Variants in DNAH5 observed in about 807,000 individuals in gnomAD.
DNAH5 encodes the protein axonemal beta dynein heavy chain 5.
DNAH5 carries 372 observed loss-of-function variants against 518.2 expected under a neutral mutation model. The ratio of observed to expected loss-of-function variants is 0.72; its 90% CI spans 0.66 to 0.78. DNAH5 has a LOEUF of 0.78. Among genes scored for constraint, DNAH5 ranks in the 30% least tolerant of loss-of-function variants. The probability of loss-of-function intolerance (pLI) is 0.00; values close to 1 mark genes in which losing one functional copy is unlikely to be tolerated. For missense variants in DNAH5, 5,523 were observed against 5,687.0 expected, an observed-to-expected ratio of 0.97 and a Z score of 0.93; for synonymous variants, 2,039 against 2,025.9, an observed-to-expected ratio of 1.01 and a Z score of -0.17.
At position 13,901,384 on chromosome 5, in the gene DNAH5, G is replaced by A. The variant is rs1239153111; in HGVS notation, c.1920C>T (p.Pro640=). 6.2e-7 allele frequency: 1 copy of A among 1,614,138 alleles called. No individual in the cohort carries two copies. The highest frequency in any genetic ancestry group is 8.5e-7 in the Non-Finnish European group (1 of 1,180,010). ...CTGGGTGCTGCTGGAAAAGCTGCAT[G>A]GGCTGCTGAATCCTATGGAAGAGCT... is the stretch of plus-strand genomic sequence containing the variant. ...ARQLFHRIQQ[P]MQLFQQHPAV... is the part of the protein sequence containing the mutation. Residue 640 remains proline (P), a synonymous_variant, in exon 14 of 79, where the codon CCC becomes CCT. Coordinates refer to ENST00000265104, the MANE Select transcript of DNAH5 (RefSeq NM_001369.3).
chr5:13,914,626 A>G lies in DNAH5; in HGVS notation c.1214T>C (p.Ile405Thr). ...GGTAATATAGGCTTTACATGCAGAT[A>G]TAATCTGATTTGTCACCTGGGATTT... ...SLFVKVTNQI[I>T]SACKAYITNN... is the part of the protein sequence containing the mutation. Residue 405 changes from isoleucine to threonine, a missense_variant, in exon 10 of 79, where the codon ATA becomes ACA. This residue lies in a region of DNAH5 where 5,121 missense variants were observed against 5,223.3 expected (regional missense o/e 0.98). Transcript: ENST00000265104. The G allele has an allele frequency of 1.2e-6, 2 of 1,613,110 alleles. No individual in the cohort carries two copies. Among genetic ancestry groups the G allele is most frequent in the Non-Finnish European group, 1.7e-6 (2 of 1,179,186 alleles).
chr5:13,703,952 G>T (rs1168630385), intron 76 of DNAH5, among the ~76,000 whole-genome samples: 1 of 152,118 alleles, frequency 6.6e-6, no homozygotes, highest in Admixed American at 6.6e-5. Context: ...TAGACCTGGG[G>T]TGCCTTGTCC....
intron 78 of DNAH5, among the ~76,000 whole-genome samples, chr5:13,693,639 G>T (rs75009495): frequency 0.024 from 3,611 of 152,268 alleles, 105 homozygotes; most frequent in African/African-American, 0.073. Context: ...GACATCTTCA[G>T]GAATAGAGGT....
Position 13,916,421 on chromosome 5 carries a change from T to C in DNAH5, c.1124A>G (p.Asn375Ser). 1 of 1,556,672 alleles carries C rather than the reference T, an allele frequency of 6.4e-7. No individual in the cohort carries two copies. The highest frequency in any genetic ancestry group is 8.8e-7 in the Non-Finnish European group (1 of 1,130,140). ...SMMDAIPTLI[N>S]AIKMIYSISH... is the part of the protein sequence containing the mutation. ...GATACTATAGATCATTTTAATTGCA[T>C]TTATAAGTGTAGGAATAGCATCCAT... The change falls in exon 9 of 79, where the codon AAT (asparagine) becomes AGT (serine). Residue 375 changes from asparagine (N) to serine (S), a missense_variant. Around this residue, in one of 3 missense-constraint regions of DNAH5, gnomAD observed 5,121 missense variants for 5,223.3 expected, o/e 0.98. Coordinates refer to ENST00000265104, the MANE Select transcript of DNAH5 (RefSeq NM_001369.3).
rs543513821 is a variant in DNAH5 at position 13,781,432 on chromosome 5, C to A, written c.8821-473G>T. 4.7e-4 allele frequency among the ~76,000 whole-genome samples: 72 copies of A among 152,126 alleles called. No individual in the cohort carries two copies. The South Asian group carries it at 4.8e-3, about 10-fold the overall frequency. On this transcript the variant is annotated intron_variant, in intron 52 of 78. Transcript: ENST00000265104. ...AAATTTAAATTGAAGGGAAGAAAAA[C>A]CCCCAAAATGAGGTGATATGGTTTG...
intron 73 of DNAH5, 95 bp from the exon 74 acceptor site, chr5:13,716,785 T>C (rs1344403287): frequency 2.4e-6 from 2 of 839,068 alleles, no homozygotes; most frequent in Non-Finnish European, 4.0e-6. Flanking sequence ...TTCAACATCA[T>C]TCAGTCAGTC....
At chr5:13,777,702 A>C (rs1268066219) in intron 53 of DNAH5, among the ~76,000 whole-genome samples, 4 of 152,180 alleles carry the variant, frequency 2.6e-5, no homozygotes, top group Non-Finnish European at 5.9e-5. Context: ...TTTGATTGGC[A>C]ATTGGTATTT....
chr5:13,931,368 G>T, intron 1 of DNAH5, 124 bp from the exon 2 acceptor site: 1 of 1,048,172 alleles, frequency 9.5e-7, no homozygotes, highest in Non-Finnish European at 1.4e-6. Context: ...ACAGCTTAAT[G>T]GTACCAATTT....
chr5:13,795,634 G>C (rs1262343738), intron 47 of DNAH5, among the ~76,000 whole-genome samples: 1 of 152,194 alleles, frequency 6.6e-6, no homozygotes, highest in African/African-American at 2.4e-5. Context: ...AAGAGGAGCT[G>C]TTACCATTCT....
chr5:13,794,160 G>C (rs1757469259), intron 47 of DNAH5, 102 bp from the exon 48 acceptor site: 2 of 1,484,972 alleles, frequency 1.3e-6, no homozygotes, highest in African/African-American at 1.4e-5. Context: ...GAACTGATAT[G>C]AATTATTTCT....
intron 28 of DNAH5, among the ~76,000 whole-genome samples, chr5:13,863,937 C>G (rs1734841875): frequency 6.6e-6 from 1 of 152,208 alleles, no homozygotes; most frequent in Admixed American, 6.5e-5. Flanking sequence ...TTCAGATGCT[C>G]CATGCATAAT....
At chr5:13,717,275 C>A in intron 73 of DNAH5, 40 bp downstream of exon 73, 1 of 1,587,812 alleles carries the variant, frequency 6.3e-7, no homozygotes, top group East Asian at 2.3e-5. Flanking sequence ...GGCCCAAGCC[C>A]ACAGCCACTA....
intron 1 of DNAH5, among the ~76,000 whole-genome samples, chr5:13,989,868 C>G (rs184406501): frequency 6.6e-6 from 1 of 152,090 alleles, no homozygotes; most frequent in African/African-American, 2.4e-5. Flanking sequence ...CCTTGGTTTA[C>G]TTGTCTTATT....
chr5:13,770,742 C>T lies in DNAH5; in HGVS notation c.9605+7G>A, dbSNP rs1433603838. 3.7e-6 allele frequency: 6 copies of T among 1,611,792 alleles called. No homozygotes were observed. The African/African-American group carries it at 5.3e-5, about 14-fold the overall frequency. ...AATATAGCTTTGTATAAGAACATCACACTTACCTGTTGGCCAGGGTCCGCA... is the reference window on the plus strand; with the variant it reads ...AATATAGCTTTGTATAAGAACATCATACTTACCTGTTGGCCAGGGTCCGCA... On this transcript the variant is annotated splice_region_variant and intron_variant, in intron 56 of 78. Coordinates refer to ENST00000265104, the MANE Select transcript of DNAH5 (RefSeq NM_001369.3).
At position 13,717,389 on chromosome 5, in the gene DNAH5, C is replaced by T. The variant is rs762673561; in HGVS notation, c.12631G>A (p.Glu4211Lys). The change falls in exon 73 of 79, where the codon GAA becomes AAA. Residue 4211 changes from glutamate (E) to lysine (K), a missense_variant. By Grantham distance (56) the Glu-to-Lys change is moderately conservative. Coordinates refer to ENST00000265104, the MANE Select transcript of DNAH5 (RefSeq NM_001369.3). ...FGALGWNIPY[E>K]FNQADFNATV... is the part of the protein sequence containing the mutation. ...GCATTAAAGTCCGCTTGGTTAAATT[C>T]GTAGGGGATATTCCACCCCAGGGCA... The T allele has an allele frequency of 2.0e-5, 33 of 1,613,896 alleles. No individual in the cohort carries two copies. The highest frequency in any genetic ancestry group is 5.0e-5 in the Admixed American group (3 of 59,990).
chr5:13,885,066 G>A lies in DNAH5; in HGVS notation c.2906C>T (p.Ala969Val). Residue 969 changes from alanine to valine, a missense_variant, in exon 19 of 79, where the codon GCT becomes GTT. Ala to Val is a moderately conservative substitution (Grantham distance 64, BLOSUM62 0). This residue lies in a region of DNAH5 where 5,121 missense variants were observed against 5,223.3 expected (regional missense o/e 0.98). Transcript: ENST00000265104. ...LSHFNHQNMD[A>V]LLKVTRNTLE... is the part of the protein sequence containing the mutation. ...TGTATTCCTTGTAACTTTCAGAAGA[G>A]CATCCATGTTCTGATGGTTGAAATG... is the stretch of plus-strand genomic sequence containing the variant. The A allele has an allele frequency of 6.2e-7, 1 of 1,614,204 alleles. No homozygotes were observed. The highest frequency in any genetic ancestry group is 1.6e-4 in the Middle Eastern group (1 of 6,062).
At chr5:13,931,627 T>G (rs967158241) in intron 1 of DNAH5, among the ~76,000 whole-genome samples, 1 of 152,236 alleles carries the variant, frequency 6.6e-6, no homozygotes, top group African/African-American at 2.4e-5. Context: ...TAAAGTAATA[T>G]TTTTTCTACA....
chr5:13,715,123 G>A (rs1242821459), intron 74 of DNAH5, among the ~76,000 whole-genome samples: 2 of 152,150 alleles, frequency 1.3e-5, no homozygotes. Context: ...GAAAGCAACA[G>A]AGTCAGAGAG....
Position 13,711,676 on chromosome 5 carries a change from G to A in DNAH5, c.13125+2729C>T, listed in dbSNP as rs143093541. On this transcript the variant is annotated intron_variant, in intron 75 of 78. Coordinates refer to ENST00000265104, the MANE Select transcript of DNAH5 (RefSeq NM_001369.3). ...ATACAAGAAATCAGCAAAGTTTCTAGATACAAGATTAATGTACACAAATCA... is the reference window on the plus strand; with the variant it reads ...ATACAAGAAATCAGCAAAGTTTCTAAATACAAGATTAATGTACACAAATCA... 3.2e-4 allele frequency among the ~76,000 whole-genome samples: 49 copies of A among 152,300 alleles called. No homozygotes were observed. The East Asian group carries it at 7.3e-3, about 23-fold the overall frequency.
Sources: gnomAD v4.1 joint callset for allele counts (sites outside exome capture counted in the v4.1 genomes callset) on GRCh38, gnomAD v4.1.1 for gene constraint, gnomAD v4.1.1 regional missense constraint, MANE v1.5 for transcripts, NCBI Gene and HGNC (gene_info 2026-07-23, HGNC 2026-07-21) for gene names.